CCDC30: variants seen among roughly 807,000 people sequenced by gnomAD.
The protein encoded by CCDC30 is coiled-coil domain containing 30, also known as coiled-coil domain-containing protein 30.
A neutral mutation model predicts 100.2 loss-of-function variants in CCDC30; 70 were observed. The ratio of observed to expected loss-of-function variants is 0.70; its 90% CI spans 0.58 to 0.85. CCDC30 has a LOEUF of 0.85. Among genes scored for constraint, CCDC30 ranks in the 40% least tolerant of loss-of-function variants. The pLI is 0.00. For missense variants in CCDC30, 652 were observed against 771.2 expected (o/e 0.85, Z 1.83); for synonymous variants, 233 against 269.5 (o/e 0.86, Z 1.33).
At chr1:42,507,330 C>T (rs183289203) in intron 6 of CCDC30, among the ~76,000 whole-genome samples, 11 of 152,254 alleles carry the variant, frequency 7.2e-5, no homozygotes, top group Admixed American at 2.0e-4. Flanking sequence ...TGCTGAAATG[C>T]GAATTAGTGT....
chr1:42,563,340 A>T (rs995717453), intron 6 of CCDC30, among the ~76,000 whole-genome samples: 2 of 152,160 alleles, frequency 1.3e-5, no homozygotes, highest in African/African-American at 4.8e-5. Context: ...CATCCTCAGC[A>T]AACTAACACA....
intron 7 of CCDC30, chr1:42,571,410 G>T (rs551311943): frequency 1.3e-5 from 2 of 151,722 alleles, no homozygotes; most frequent in Non-Finnish European, 2.9e-5. Context: ...CTTTTTAGAA[G>T]AAGTCAACAG....
At chr1:42,616,604 G>A (rs1444986663) in intron 11 of CCDC30, among the ~76,000 whole-genome samples, 1 of 152,094 alleles carries the variant, frequency 6.6e-6, no homozygotes, top group African/African-American at 2.4e-5. Flanking sequence ...AGACAACCTG[G>A]TTTTACTTAA....
intron 10 of CCDC30, among the ~76,000 whole-genome samples, chr1:42,602,914 A>C (rs1417353062): frequency 6.6e-6 from 1 of 152,236 alleles, no homozygotes; most frequent in Non-Finnish European, 1.5e-5. Flanking sequence ...CAATGTATAC[A>C]AAGAATTATG....
chr1:42,509,745 G>C (rs1372201960), intron 6 of CCDC30, among the ~76,000 whole-genome samples: 1 of 151,958 alleles, frequency 6.6e-6, no homozygotes. Flanking sequence ...CACTAGACTG[G>C]CTGCAACTTA....
At chr1:42,614,023 A>G (rs937688739) in intron 11 of CCDC30, among the ~76,000 whole-genome samples, 5 of 151,920 alleles carry the variant, frequency 3.3e-5, no homozygotes, top group African/African-American at 1.2e-4. Flanking sequence ...CATCCTCGTT[A>G]GCATTGAATA....
rs147765037 is a variant in CCDC30, at chr1:42,631,663, T to C, written c.1278-5574T>C. 7.9e-4 allele frequency among the ~76,000 whole-genome samples: 121 copies of C among 152,306 alleles called. 1 individual carries two copies. Among genetic ancestry groups the C allele is most frequent in the African/African-American group, 2.9e-3 (120 of 41,574 alleles). On this transcript the variant is annotated intron_variant, in intron 11 of 16. Transcript: ENST00000668663. ...GAAGTCCACCTGGTGTTCTGTTGTA[T>C]TGTGGCTAGCCTGGTACTCAAACCC...
intron 11 of CCDC30, among the ~76,000 whole-genome samples, chr1:42,628,163 A>G (rs966012274): frequency 6.6e-6 from 1 of 152,156 alleles, no homozygotes; most frequent in Non-Finnish European, 1.5e-5. Flanking sequence ...GTCACAGGAG[A>G]TCATTTTGGA....
chr1:42,524,320 TGTGTGCCTTTCC>T (rs1644692229), intron 6 of CCDC30, among the ~76,000 whole-genome samples: 1 of 152,204 alleles, frequency 6.6e-6, no homozygotes, highest in African/African-American at 2.4e-5. Context: ...CTTTTCTGAG[TGTGTGCCTTTCC>T]CTTATCATAT....
chr1:42,641,756 A>C (rs1024168642), intron 12 of CCDC30, among the ~76,000 whole-genome samples: 1 of 151,902 alleles, frequency 6.6e-6, no homozygotes, highest in African/African-American at 2.4e-5. Context: ...AATCCCAGCT[A>C]CTCGGGAGGC....
intron 1 of CCDC30, among the ~76,000 whole-genome samples, chr1:42,465,020 A>C (rs1358272324): frequency 6.6e-6 from 1 of 152,196 alleles, no homozygotes; most frequent in Non-Finnish European, 1.5e-5. Context: ...CTCTTGAAAA[A>C]AGTGTTAGAT....
At chr1:42,591,557 G>A (rs1646186841) in intron 10 of CCDC30, 1 of 152,398 alleles carries the variant, frequency 6.6e-6, no homozygotes, top group Non-Finnish European at 1.5e-5. Flanking sequence ...TTCAGATGAT[G>A]TGAGAGATAG....
chr1:42,545,520 T>C (rs926448408), intron 6 of CCDC30: 2 of 1,606,392 alleles, frequency 1.2e-6, no homozygotes, highest in East Asian at 2.3e-5. Context: ...ATCCTGAATC[T>C]AATGAACCAA....
intron 9 of CCDC30, among the ~76,000 whole-genome samples, chr1:42,589,014 A>G (rs1160166639): frequency 6.6e-6 from 1 of 152,188 alleles, no homozygotes; most frequent in Non-Finnish European, 1.5e-5. Context: ...AAGAAAGAAT[A>G]TGGGATTCAG....
At chr1:42,618,505 G>A (rs1183244321) in intron 11 of CCDC30, among the ~76,000 whole-genome samples, 3 of 152,020 alleles carry the variant, frequency 2.0e-5, no homozygotes, top group African/African-American at 7.2e-5. Context: ...CAAAGTGCTG[G>A]GATTACAAGC....
At chr1:42,537,331 T>C (rs1416290697) in intron 6 of CCDC30, 1 of 449,460 alleles carries the variant, frequency 2.2e-6, no homozygotes, top group African/African-American at 2.0e-5. Flanking sequence ...TAGAGGATAG[T>C]GACACTCAAT....
At chr1:42,583,207 C>T (rs1192210002) in intron 9 of CCDC30, among the ~76,000 whole-genome samples, 2 of 152,178 alleles carry the variant, frequency 1.3e-5, no homozygotes, top group Non-Finnish European at 2.9e-5. Flanking sequence ...TTAAACTTTT[C>T]ATTAAAGCAT....
chr1:42,512,836 C>A (rs1269337832), intron 6 of CCDC30, among the ~76,000 whole-genome samples: 1 of 152,188 alleles, frequency 6.6e-6, no homozygotes, highest in East Asian at 1.9e-4. Context: ...ACATGCCCAG[C>A]AACCCGTGGT....
chr1:42,653,935 G>A, exon 17 of CCDC30: 1 of 1,614,084 alleles, frequency 6.2e-7, no homozygotes, highest in Non-Finnish European at 8.5e-7. Context: ...AGAATCTTGT[G>A]TGTTCACAGA....
Sources: gnomAD v4.1 joint callset for allele counts (sites outside exome capture counted in the v4.1 genomes callset) on GRCh38, gnomAD v4.1.1 for gene constraint, MANE v1.5 for transcripts, NCBI Gene and HGNC (gene_info 2026-07-23, HGNC 2026-07-21) for gene names.